NAALADL2: variants seen among roughly 807,000 people sequenced by gnomAD.
The protein encoded by NAALADL2 is N-acetylated alpha-linked acidic dipeptidase like 2.
Under a neutral mutation model 87.2 loss-of-function variants are expected in NAALADL2, and 76 were observed. The observed-to-expected ratio is 0.87, with a 90% CI of 0.72 to 1.05. The LOEUF (loss-of-function observed/expected upper bound fraction) is 1.05. Among genes scored for constraint, NAALADL2 ranks in the 50% least tolerant of loss-of-function variants. The pLI is 0.00. For synonymous variants in NAALADL2, 354 were observed against 331.0 expected (o/e 1.07, Z -0.75); for missense variants, 1,089 against 945.8 (o/e 1.15, Z -1.99).
rs1735542469 is a variant in NAALADL2, at chr3:175,175,265, C to G, written c.546-58666C>G. On this transcript the variant is annotated intron_variant, in intron 2 of 13. Coordinates refer to ENST00000454872, the MANE Select transcript of NAALADL2 (RefSeq NM_207015.3). ...TGTGGAAGAGAAAACTTTTTAACAT[C>G]ATTTTGCCTTTTATTTTATTAGCCA... Among the ~76,000 whole-genome samples the G allele has an allele frequency of 5.3e-5, 8 of 152,052 alleles. No homozygotes were observed. The South Asian group carries it at 1.7e-3, about 32-fold the overall frequency.
chr3:175,750,775 G>A (rs1276457587), intron 12 of NAALADL2, among the ~76,000 whole-genome samples: 1 of 152,036 alleles, frequency 6.6e-6, no homozygotes, highest in Non-Finnish European at 1.5e-5. Flanking sequence ...ATCCTCATGA[G>A]CATTTATTTC....
chr3:174,800,207 C>G (rs1718654381), intron 3 of NAALADL2, among the ~76,000 whole-genome samples: 1 of 152,124 alleles, frequency 6.6e-6, no homozygotes, highest in African/African-American at 2.4e-5. Context: ...ATGTTAATCA[C>G]CAAGACGATG....
chr3:174,689,003 A>C (rs1275080837), intron 2 of NAALADL2, among the ~76,000 whole-genome samples: 8 of 145,262 alleles, frequency 5.5e-5, no homozygotes, highest in South Asian at 2.2e-4. Flanking sequence ...CTACATCAGC[A>C]AAAAAAAAAA....
chr3:175,256,584 T>C, intron 4 of NAALADL2, 54 bp downstream of exon 4: 4 of 1,572,234 alleles, frequency 2.5e-6, no homozygotes, highest in Non-Finnish European at 3.5e-6. Flanking sequence ...CCTTGTTTTG[T>C]TGGAATTATA....
intron 4 of NAALADL2, among the ~76,000 whole-genome samples, chr3:175,298,477 T>C (rs1560311677): frequency 6.6e-6 from 1 of 152,088 alleles, no homozygotes; most frequent in South Asian, 2.1e-4. Flanking sequence ...GAAATGAGAA[T>C]CTCATAAAAG....
intron 9 of NAALADL2, among the ~76,000 whole-genome samples, chr3:175,551,805 G>A (rs975768005): frequency 6.6e-6 from 1 of 151,892 alleles, no homozygotes; most frequent in African/African-American, 2.4e-5. Flanking sequence ...GGCTGAGGCA[G>A]GAGAATGGCG....
chr3:174,562,122 G>A (rs1013420064), intron 2 of NAALADL2, among the ~76,000 whole-genome samples: 2 of 152,022 alleles, frequency 1.3e-5, no homozygotes, highest in Non-Finnish European at 2.9e-5. Context: ...TTGACAGCAG[G>A]ATTCTATCAT....
intron 11 of NAALADL2, among the ~76,000 whole-genome samples, chr3:175,720,065 A>G (rs1174552235): frequency 6.6e-6 from 1 of 152,186 alleles, no homozygotes; most frequent in South Asian, 2.1e-4. Context: ...GAACACGCTC[A>G]GGCCATAGCA....
At chr3:175,345,947 T>G (rs1324931827) in intron 5 of NAALADL2, among the ~76,000 whole-genome samples, 2 of 152,092 alleles carry the variant, frequency 1.3e-5, no homozygotes, top group African/African-American at 2.4e-5. Context: ...CTACCCAGAA[T>G]AGTATTTACA....
intron 1 of NAALADL2, among the ~76,000 whole-genome samples, chr3:174,892,470 A>C (rs985244741): frequency 6.6e-6 from 1 of 152,208 alleles, no homozygotes; most frequent in Non-Finnish European, 1.5e-5. Context: ...GACAAAAAAA[A>C]GTACATCTGT....
rs1747722938 is a variant in NAALADL2, at chr3:174,997,840, AAC to A, written c.44-98948_44-98947del. 4.0e-5 allele frequency among the ~76,000 whole-genome samples: 6 copies of A among 151,630 alleles called. No individual in the cohort carries two copies. The East Asian group carries it at 5.8e-4, about 15-fold the overall frequency. On this transcript the variant is annotated intron_variant, in intron 1 of 13. Coordinates refer to ENST00000454872, the MANE Select transcript of NAALADL2 (RefSeq NM_207015.3). ...TCAAAAAAACCAAAAAGCAAACAAC[AAC>A]AACAACAACAACAACAACAACAACA...
At chr3:174,459,872 G>T (rs1348931994) in intron 1 of NAALADL2, 1 of 152,066 alleles carries the variant, frequency 6.6e-6, no homozygotes, top group Non-Finnish European at 1.5e-5. Flanking sequence ...TAAGTTTTTG[G>T]AAAGTTGTCT....
At chr3:174,673,309 A>G (rs1726744136) in intron 2 of NAALADL2, among the ~76,000 whole-genome samples, 1 of 152,022 alleles carries the variant, frequency 6.6e-6, no homozygotes, top group South Asian at 2.1e-4. Flanking sequence ...AATTTCATAA[A>G]GAAGAATAAA....
intron 3 of NAALADL2, among the ~76,000 whole-genome samples, chr3:174,842,052 CTT>C (rs10575010): frequency 0.21 from 29,691 of 142,368 alleles, 3,020 homozygotes; most frequent in East Asian, 0.43. Context: ...TACATTTAAA[CTT>C]TTTTTTTTTT....
At chr3:175,329,901 C>G (rs1761194220) in intron 5 of NAALADL2, among the ~76,000 whole-genome samples, 1 of 152,074 alleles carries the variant, frequency 6.6e-6, no homozygotes, top group African/African-American at 2.4e-5. Context: ...CTCTTGGCCC[C>G]ACAGAGGGAA....
intron 9 of NAALADL2, among the ~76,000 whole-genome samples, chr3:175,559,187 T>C (rs1715850765): frequency 6.6e-6 from 1 of 152,192 alleles, no homozygotes; most frequent in African/African-American, 2.4e-5. Flanking sequence ...TTTGTGGCTA[T>C]TGTAAGTGGA....
At chr3:175,730,670 C>T (rs1375030887) in intron 11 of NAALADL2, among the ~76,000 whole-genome samples, 1 of 151,472 alleles carries the variant, frequency 6.6e-6, no homozygotes, top group Admixed American at 6.6e-5. Context: ...AGAGGAAAGC[C>T]TTTGCAATGT....
chr3:174,817,325 G>T (rs1358181310), intron 3 of NAALADL2, among the ~76,000 whole-genome samples: 2 of 152,184 alleles, frequency 1.3e-5, no homozygotes, highest in African/African-American at 2.4e-5. Flanking sequence ...CTTTAGGCTG[G>T]GCACAGTGGC....
chr3:175,809,511 TAAA>T lies in NAALADL2; in HGVS notation c.*6334_*6336del, dbSNP rs1297830446. 1 of 31,506 alleles carries T rather than the reference TAAA, an allele frequency of 3.2e-5. No individual in the cohort carries two copies. The highest frequency in any genetic ancestry group is 1.4e-3 in the East Asian group (1 of 726). The allele number at this position is 31,506 out of a possible 1,614,324, so 2.0% of individuals were successfully genotyped here. On this transcript the variant is annotated 3_prime_UTR_variant, in exon 14 of 14. Coordinates refer to ENST00000454872, the MANE Select transcript of NAALADL2 (RefSeq NM_207015.3). ...CAACAAAGTGAGACCCTGTCTCTCT[TAAA>T]AAAAAAAAAAAAAAAAAAAAAAAAA...
Sources: gnomAD v4.1 joint callset for allele counts (sites outside exome capture counted in the v4.1 genomes callset) on GRCh38, gnomAD v4.1.1 for gene constraint, MANE v1.5 for transcripts, NCBI Gene and HGNC (gene_info 2026-07-23, HGNC 2026-07-21) for gene names.